RTL4: variants seen among roughly 807,000 people sequenced by gnomAD.
RTL4 encodes retrotransposon Gag-like protein 4.
A neutral mutation model predicts 5.3 loss-of-function variants in RTL4; 4 were observed. The observed-to-expected ratio is 0.75, with a 90% CI of 0.37 to 1.72. The LOEUF (loss-of-function observed/expected upper bound fraction) is 1.72, where lower values mean the gene tolerates loss of function less well. Among genes scored for constraint, RTL4 ranks in the 40% most tolerant of loss-of-function variants. The probability of loss-of-function intolerance (pLI) is 0.04; values close to 1 mark genes in which losing one functional copy is unlikely to be tolerated. For missense variants in RTL4, 260 were observed against 227.1 expected (o/e 1.14, Z -0.93); for synonymous variants, 98 against 87.3 (o/e 1.12, Z -0.68).
At chrX:112,246,212 G>T in the RTL4 span, among the ~76,000 whole-genome samples, 1 of 111,956 alleles carries the variant, frequency 8.9e-6, no homozygotes, top group African/African-American at 3.2e-5. Flanking sequence ...TGTACTCAGA[G>T]CTCAAACACT....
the RTL4 span, among the ~76,000 whole-genome samples, chrX:112,256,537 A>G: frequency 8.9e-6 from 1 of 112,059 alleles, no homozygotes; most frequent in Non-Finnish European, 1.9e-5. Context: ...TGAATGCTGA[A>G]CAATATATTT....
At chrX:112,219,356 T>C in the RTL4 span, among the ~76,000 whole-genome samples, 2 of 112,208 alleles carry the variant, frequency 1.8e-5, no homozygotes, top group Non-Finnish European at 1.9e-5. Flanking sequence ...CAGATCAGTG[T>C]ATTTATGAGT....
At chrX:112,210,339 A>G in the RTL4 span, among the ~76,000 whole-genome samples, 1 of 112,176 alleles carries the variant, frequency 8.9e-6, no homozygotes, top group Non-Finnish European at 1.9e-5. Context: ...ACCGCTCTGT[A>G]CTTCAGCTTC....
the RTL4 span, among the ~76,000 whole-genome samples, chrX:112,168,101 G>A: frequency 9.0e-6 from 1 of 111,149 alleles, no homozygotes; most frequent in Non-Finnish European, 1.9e-5. Flanking sequence ...TATGCAAGCT[G>A]AGCAAAGGAT....
chrX:112,227,943 C>T, the RTL4 span, among the ~76,000 whole-genome samples: 2 of 111,209 alleles, frequency 1.8e-5, no homozygotes, highest in Non-Finnish European at 3.8e-5. Flanking sequence ...TGCCTCAGGC[C>T]GATATTGGTT....
At chrX:112,089,577 C>T in the RTL4 span, among the ~76,000 whole-genome samples, 2 of 111,005 alleles carry the variant, frequency 1.8e-5, no homozygotes, top group African/African-American at 3.3e-5. Context: ...TATTTTTGAA[C>T]CTTCAATTCT....
At chrX:112,104,467 C>T in the RTL4 span, among the ~76,000 whole-genome samples, 1 of 111,436 alleles carries the variant, frequency 9.0e-6, no homozygotes, top group African/African-American at 3.3e-5. Context: ...TGTGAGGAAC[C>T]TCCACACTGT....
At chrX:112,335,295 A>G in the RTL4 span, among the ~76,000 whole-genome samples, 1 of 111,001 alleles carries the variant, frequency 9.0e-6, no homozygotes, top group Admixed American at 9.7e-5. Flanking sequence ...TCTTATTCCT[A>G]CTCTTCTGTT....
At chrX:112,304,057 G>A in the RTL4 span, among the ~76,000 whole-genome samples, 1 of 110,338 alleles carries the variant, frequency 9.1e-6, no homozygotes, top group Non-Finnish European at 1.9e-5. Context: ...GTGGCCATAT[G>A]GTTGGGTATG....
the RTL4 span, among the ~76,000 whole-genome samples, chrX:112,180,968 A>G: frequency 1.8e-5 from 2 of 111,681 alleles, no homozygotes; most frequent in Admixed American, 1.9e-4. Context: ...CCGCATTTCC[A>G]ACTGAGGTAC....
At chrX:112,223,665 C>T in the RTL4 span, among the ~76,000 whole-genome samples, 1 of 111,706 alleles carries the variant, frequency 9.0e-6, no homozygotes, top group Non-Finnish European at 1.9e-5. Flanking sequence ...AGGAAGAGAT[C>T]TTGAAAGGAG....
the RTL4 span, among the ~76,000 whole-genome samples, chrX:112,229,981 C>T: frequency 0.015 from 1,648 of 112,623 alleles, 8 homozygotes; most frequent in Non-Finnish European, 0.021. Context: ...GAGCCAGGGA[C>T]CCACTTGAGG....
chrX:112,237,789 G>A, the RTL4 span, among the ~76,000 whole-genome samples: 1 of 112,145 alleles, frequency 8.9e-6, no homozygotes, highest in Admixed American at 9.5e-5. Context: ...CTAGCGTAGA[G>A]AAGGGACACT....
the RTL4 span, among the ~76,000 whole-genome samples, chrX:112,129,628 T>C: frequency 8.9e-6 from 1 of 112,224 alleles, no homozygotes; most frequent in African/African-American, 3.2e-5. Flanking sequence ...CACCACTTAT[T>C]TCACCAGCAG....
chrX:112,332,275 G>A, the RTL4 span, among the ~76,000 whole-genome samples: 2 of 110,535 alleles, frequency 1.8e-5, no homozygotes, highest in African/African-American at 3.3e-5. Context: ...ACAGTGTGGC[G>A]ATTCCTCAGG....
chrX:112,358,584 A>G, the RTL4 span, among the ~76,000 whole-genome samples: 2 of 111,650 alleles, frequency 1.8e-5, no homozygotes, highest in Non-Finnish European at 3.8e-5. Flanking sequence ...AAACAATGGC[A>G]TGACAACCCA....
chrX:112,335,918 C>T, the RTL4 span, among the ~76,000 whole-genome samples: 5 of 109,851 alleles, frequency 4.6e-5, no homozygotes, highest in African/African-American at 1.7e-4. Context: ...TCTCGGCTCA[C>T]TGCAAGCTCC....
the RTL4 span, among the ~76,000 whole-genome samples, chrX:112,407,559 C>G: frequency 8.9e-6 from 1 of 112,584 alleles, no homozygotes; most frequent in Admixed American, 9.3e-5. Flanking sequence ...TCTTGACACA[C>G]CTGGGGCCTG....
the RTL4 span, among the ~76,000 whole-genome samples, chrX:112,368,593 C>A: frequency 9.0e-6 from 1 of 111,004 alleles, no homozygotes; most frequent in Non-Finnish European, 1.9e-5. Context: ...CTAGTGGACA[C>A]AGGCTGGGGA....
Sources: allele counts gnomAD v4.1 joint callset (sites outside exome capture counted in the v4.1 genomes callset), GRCh38; gene constraint gnomAD v4.1.1; transcripts MANE v1.5; gene names NCBI Gene and HGNC (gene_info 2026-07-23, HGNC 2026-07-21).